The following TCF12 variants were observed in gnomAD, a reference collection of about 807,000 sequenced individuals.
TCF12 encodes transcription factor 12.
In TCF12, 45 loss-of-function variants were observed where a neutral mutation model predicts 86.0. The observed-to-expected ratio is 0.52, with a 90% CI of 0.41 to 0.67. The LOEUF (loss-of-function observed/expected upper bound fraction) is 0.67. TCF12 is among the 30% of genes least tolerant of loss of function. The pLI is 0.00. For synonymous variants in TCF12, 330 were observed against 299.6 expected (o/e 1.10, Z -1.05); for missense variants, 881 against 859.9 (o/e 1.02, Z -0.31).
In TCF12 at chr15:57,080,790, T is replaced by G. The variant is rs190212150; in HGVS notation, c.223-10999T>G. Among the ~76,000 whole-genome samples the G allele has an allele frequency of 1.5e-4, 23 of 152,334 alleles. No homozygotes were observed. In the East Asian group the frequency reaches 4.4e-3, roughly 29 times the overall value. ...ATTATAATGAATATTAATTCTTAAC[T>G]ATAATTGCCAAATCATTATCATAAA... is the stretch of plus-strand genomic sequence containing the variant. On this transcript the variant is annotated intron_variant, in intron 4 of 20. Coordinates refer to ENST00000333725, the MANE Select transcript of TCF12 (RefSeq NM_207037.2).
chr15:57,107,061 C>G (rs1167172222), intron 5 of TCF12, among the ~76,000 whole-genome samples: 2 of 152,124 alleles, frequency 1.3e-5, no homozygotes, highest in Admixed American at 6.5e-5. Context: ...CATTTGTGTT[C>G]CATGAAGTCT....
At chr15:57,280,885 T>A (rs2061654517) in intron 19 of TCF12, among the ~76,000 whole-genome samples, 1 of 152,250 alleles carries the variant, frequency 6.6e-6, no homozygotes, top group African/African-American at 2.4e-5. Context: ...AGGGCATTTT[T>A]AATCCATTTA....
intron 3 of TCF12, among the ~76,000 whole-genome samples, chr15:57,005,064 C>G (rs1486194110): frequency 1.3e-5 from 2 of 152,142 alleles, no homozygotes; most frequent in Admixed American, 6.5e-5. Context: ...TATCTCTCTA[C>G]TACTATTTTT....
At chr15:56,987,879 G>A (rs534286893) in intron 3 of TCF12, among the ~76,000 whole-genome samples, 1 of 152,274 alleles carries the variant, frequency 6.6e-6, no homozygotes, top group East Asian at 1.9e-4. Flanking sequence ...AAACCATATA[G>A]GAAAGACTCA....
In TCF12 at chr15:57,010,480, CAA is replaced by C. The variant is rs142631567; in HGVS notation, c.149-53268_149-53267del. Among the ~76,000 whole-genome samples, 648 of 152,118 alleles carry C rather than the reference CAA, an allele frequency of 4.3e-3. 7 individuals are homozygous for C. Among genetic ancestry groups the C allele is most frequent in the Admixed American group, 0.021 (318 of 15,276 alleles). ...TAAGCCTGCCATAGTACCGATATGACAAAGAGTAGAAAAAAGGGAAAAGGAAA... is the reference window on the plus strand; with the variant it reads ...TAAGCCTGCCATAGTACCGATATGACAGAGTAGAAAAAAGGGAAAAGGAAA... On this transcript the variant is annotated intron_variant, in intron 3 of 20. Coordinates refer to ENST00000333725, the MANE Select transcript of TCF12 (RefSeq NM_207037.2).
In TCF12 at chr15:57,253,433, T is replaced by G. The variant is rs748077948; in HGVS notation, c.1432T>G (p.Ser478Ala). 2 of 1,614,094 alleles carry G rather than the reference T, an allele frequency of 1.2e-6. No individual in the cohort carries two copies. The highest frequency in any genetic ancestry group is 1.7e-6 in the Non-Finnish European group (2 of 1,179,994). The change falls in exon 16 of 21, where the codon TCA becomes GCA. Residue 478 changes from serine (S) to alanine (A), a missense_variant. Physicochemically the swap from Ser to Ala is moderately conservative, Grantham distance 99. Around this residue, in one of 3 missense-constraint regions of TCF12, gnomAD observed 766 missense variants for 718.9 expected, o/e 1.07. Coordinates refer to ENST00000333725, the MANE Select transcript of TCF12 (RefSeq NM_207037.2). ...IGSLNSNYGG[S>A]SLVASSRSAS... is the part of the protein sequence containing the mutation. ...AAGCCTCAATTCAAACTATGGAGGA[T>G]CAAGCCTTGTTGCAAGCAGTCGATC...
At chr15:57,106,196 G>T (rs1328130403) in intron 5 of TCF12, among the ~76,000 whole-genome samples, 1 of 152,214 alleles carries the variant, frequency 6.6e-6, no homozygotes, top group African/African-American at 2.4e-5. Flanking sequence ...TGGTATCTTG[G>T]ATTGGATCTT....
chr15:56,954,534 C>G (rs1043174177), intron 3 of TCF12, among the ~76,000 whole-genome samples: 33 of 152,108 alleles, frequency 2.2e-4, no homozygotes, highest in African/African-American at 7.5e-4. Context: ...GACTAAAACA[C>G]CAAAAGCAAT....
At chr15:57,283,967 C>A (rs982255521) in intron 20 of TCF12, among the ~76,000 whole-genome samples, 1 of 152,078 alleles carries the variant, frequency 6.6e-6, no homozygotes, top group African/African-American at 2.4e-5. Flanking sequence ...ATAACTGTAA[C>A]ATTAGCACAC....
intron 8 of TCF12, chr15:57,219,595 G>A (rs1479080268): frequency 6.2e-7 from 1 of 1,611,972 alleles, no homozygotes; most frequent in Non-Finnish European, 8.5e-7. Flanking sequence ...AAAACGGTAA[G>A]CCTTTTTCTT....
intron 5 of TCF12, among the ~76,000 whole-genome samples, chr15:57,140,612 C>A (rs867574726): frequency 6.6e-6 from 1 of 152,084 alleles, no homozygotes; most frequent in African/African-American, 2.4e-5. Flanking sequence ...TACAAAGTGC[C>A]GTGTAATTAT....
In TCF12 at chr15:57,263,237, CAAA is replaced by C; in HGVS notation, c.1711_1713del (p.Lys571del). On this transcript the variant is annotated inframe_deletion, in exon 18 of 21. Transcript: ENST00000333725. ...CATGAAGTCAGATGATGAATCCTCC[CAAA>C]AAGATATCAAGGTTTCATCTAGAGG... 6.2e-7 allele frequency: 1 copy of C among 1,611,036 alleles called. No individual in the cohort carries two copies. Among genetic ancestry groups the C allele is most frequent in the South Asian group, 1.1e-5 (1 of 90,158 alleles).
chr15:57,145,445 AATAAG>A (rs2053289506), intron 5 of TCF12, among the ~76,000 whole-genome samples: 1 of 152,158 alleles, frequency 6.6e-6, no homozygotes, highest in Admixed American at 6.5e-5. Context: ...GTGAGTGTGA[AATAAG>A]ATAGAAAATG....
chr15:57,282,254 G>C, intron 19 of TCF12, 191 bp from the exon 20 acceptor site: 1 of 638,314 alleles, frequency 1.6e-6, no homozygotes, highest in Non-Finnish European at 2.6e-6. Flanking sequence ...GAAAACACAA[G>C]ATGGTCACTT....
intron 4 of TCF12, among the ~76,000 whole-genome samples, chr15:57,076,154 A>G (rs1001810874): frequency 5.5e-4 from 83 of 151,812 alleles, no homozygotes; most frequent in African/African-American, 1.8e-3. Context: ...CTGCGTTCGG[A>G]TGGGCATCAG....
intron 5 of TCF12, among the ~76,000 whole-genome samples, chr15:57,125,079 T>C (rs1020840476): frequency 6.6e-6 from 1 of 152,158 alleles, no homozygotes; most frequent in Non-Finnish European, 1.5e-5. Flanking sequence ...AACTATCAAC[T>C]GGATAGGAAA....
intron 18 of TCF12, among the ~76,000 whole-genome samples, chr15:57,270,968 G>C (rs1452389143): frequency 6.6e-6 from 1 of 152,146 alleles, no homozygotes; most frequent in Non-Finnish European, 1.5e-5. Context: ...CCACCTGTAT[G>C]AGGTGTCTGT....
chr15:57,251,398 G>C lies in TCF12; in HGVS notation c.1163G>C (p.Ser388Thr). The C allele has an allele frequency of 1.2e-6, 2 of 1,613,872 alleles. No homozygotes were observed. Among genetic ancestry groups the C allele is most frequent in the Non-Finnish European group, 1.7e-6 (2 of 1,179,890 alleles). The part of the protein sequence containing the change: ...RPGGQAPSSP[S>T]YENSLHSLKN... ...GGAGGGCAAGCACCTTCATCCCCAA[G>C]CTATGAAAACTCACTCCACTCCCTG... The change falls in exon 14 of 21, where the codon AGC becomes ACC. Residue 388 changes from serine (S) to threonine (T), a missense_variant. Ser to Thr is a moderately conservative substitution (Grantham distance 58). This residue lies in a region of TCF12 where 766 missense variants were observed against 718.9 expected (regional missense o/e 1.07). Coordinates refer to ENST00000333725, the MANE Select transcript of TCF12 (RefSeq NM_207037.2).
intron 3 of TCF12, among the ~76,000 whole-genome samples, chr15:56,986,121 A>G (rs12442238): frequency 0.04 from 6,162 of 152,240 alleles, 374 homozygotes; most frequent in Admixed American, 0.17. Context: ...AATGGCTTAA[A>G]TCCTTTAAAG....
Sources: gnomAD v4.1 joint callset for allele counts (sites outside exome capture counted in the v4.1 genomes callset) on GRCh38, gnomAD v4.1.1 for gene constraint, gnomAD v4.1.1 regional missense constraint, MANE v1.5 for transcripts, NCBI Gene and HGNC (gene_info 2026-07-23, HGNC 2026-07-21) for gene names.